SLC24A2: variants seen among roughly 807,000 people sequenced by gnomAD.
SLC24A2 encodes the protein sodium/potassium/calcium exchanger 2.
Under a neutral mutation model 62.0 loss-of-function variants are expected in SLC24A2, and 36 were observed. That is an observed-to-expected ratio of 0.58 (90% CI 0.44 to 0.77). SLC24A2 has a LOEUF of 0.77. Ranked by LOEUF, SLC24A2 falls within the 30% of genes least tolerant of loss-of-function variation. The pLI is 0.00. For synonymous variants in SLC24A2, 358 were observed against 294.0 expected, an observed-to-expected ratio of 1.22 and a Z score of -2.23; for missense variants, 846 against 817.9, an observed-to-expected ratio of 1.03 and a Z score of -0.42.
the SLC24A2 span, among the ~76,000 whole-genome samples, chr9:20,191,522 G>C: frequency 1.3e-5 from 2 of 151,926 alleles, no homozygotes; most frequent in Admixed American, 6.6e-5. Flanking sequence ...CATTCCGACA[G>C]TATCTGGAGA....
the SLC24A2 span, among the ~76,000 whole-genome samples, chr9:20,198,209 G>T: frequency 3.3e-5 from 5 of 152,172 alleles, no homozygotes; most frequent in African/African-American, 1.2e-4. Flanking sequence ...GAGTTCACTC[G>T]GGAAAGGGGG....
At chr9:20,029,308 G>A in the SLC24A2 span, among the ~76,000 whole-genome samples, 1 of 152,184 alleles carries the variant, frequency 6.6e-6, no homozygotes, top group Non-Finnish European at 1.5e-5. Context: ...CCCTTGGCAT[G>A]CTCATCATTA....
chr9:19,947,830 AAG>A, the SLC24A2 span, among the ~76,000 whole-genome samples: 1 of 150,866 alleles, frequency 6.6e-6, no homozygotes, highest in Non-Finnish European at 1.5e-5. Context: ...GAAAGAAAGA[AAG>A]AAAGAAAGAA....
At chr9:19,589,685 T>C (rs1490437815) in intron 5 of SLC24A2, among the ~76,000 whole-genome samples, 1 of 152,190 alleles carries the variant, frequency 6.6e-6, no homozygotes, top group African/African-American at 2.4e-5. Context: ...AGACTTTGGA[T>C]ATGAACTAGA....
the SLC24A2 span, among the ~76,000 whole-genome samples, chr9:20,099,960 C>G: frequency 6.6e-6 from 1 of 152,078 alleles, no homozygotes; most frequent in Non-Finnish European, 1.5e-5. Context: ...TTGTGTCATG[C>G]TGACTATTTT....
chr9:19,766,928 G>A (rs1201129454), intron 2 of SLC24A2, among the ~76,000 whole-genome samples: 1 of 152,170 alleles, frequency 6.6e-6, no homozygotes, highest in Non-Finnish European at 1.5e-5. Flanking sequence ...GCCCCAGGGA[G>A]ATGGGAGTTT....
chr9:20,233,273 G>A, the SLC24A2 span, among the ~76,000 whole-genome samples: 4 of 151,952 alleles, frequency 2.6e-5, no homozygotes, highest in Non-Finnish European at 5.9e-5. Context: ...TCAATTCCTG[G>A]GTATCCTTGT....
the SLC24A2 span, among the ~76,000 whole-genome samples, chr9:20,202,196 T>G: frequency 1.3e-5 from 2 of 151,944 alleles, no homozygotes; most frequent in South Asian, 2.1e-4. Flanking sequence ...ATGGTCCAAG[T>G]GATTATCAAA....
At chr9:19,583,825 G>C (rs1421274162) in intron 5 of SLC24A2, among the ~76,000 whole-genome samples, 2 of 152,126 alleles carry the variant, frequency 1.3e-5, no homozygotes, top group Non-Finnish European at 2.9e-5. Flanking sequence ...ATGTGCAAAG[G>C]AGCCCTTTCC....
At chr9:19,568,219 T>A (rs1462006680) in intron 7 of SLC24A2, among the ~76,000 whole-genome samples, 1 of 152,212 alleles carries the variant, frequency 6.6e-6, no homozygotes, top group Non-Finnish European at 1.5e-5. Flanking sequence ...GCGTTCACAT[T>A]TTCCTACTGA....
chr9:19,923,279 T>C, the SLC24A2 span, among the ~76,000 whole-genome samples: 1 of 152,234 alleles, frequency 6.6e-6, no homozygotes, highest in Non-Finnish European at 1.5e-5. Context: ...ATTTCTTTCA[T>C]ATTTTAATGT....
intron 2 of SLC24A2, among the ~76,000 whole-genome samples, chr9:19,691,491 G>A (rs2118466299): frequency 6.6e-6 from 1 of 152,248 alleles, no homozygotes; most frequent in Non-Finnish European, 1.5e-5. Context: ...TTTGCCCTCA[G>A]TCATCCATGC....
the SLC24A2 span, among the ~76,000 whole-genome samples, chr9:19,857,050 A>C: frequency 1.3e-5 from 2 of 152,236 alleles, no homozygotes; most frequent in African/African-American, 4.8e-5. Flanking sequence ...ATTATCTTAC[A>C]GTTGTGGAAG....
At chr9:19,919,874 G>A in the SLC24A2 span, among the ~76,000 whole-genome samples, 2 of 152,050 alleles carry the variant, frequency 1.3e-5, no homozygotes, top group African/African-American at 2.4e-5. Flanking sequence ...ACCTCCCACC[G>A]GGTCCCTGCC....
the SLC24A2 span, among the ~76,000 whole-genome samples, chr9:20,291,162 C>G: frequency 2.6e-5 from 4 of 152,234 alleles, no homozygotes; most frequent in East Asian, 7.7e-4. Context: ...TGAAAAATGC[C>G]TGCCCTTAAG....
chr9:19,735,430 A>G (rs1487568974), intron 2 of SLC24A2, among the ~76,000 whole-genome samples: 2 of 152,074 alleles, frequency 1.3e-5, no homozygotes, highest in South Asian at 2.1e-4. Context: ...TAGTTCAACC[A>G]TTGTGGAAGT....
the SLC24A2 span, among the ~76,000 whole-genome samples, chr9:20,043,583 T>C: frequency 1.3e-5 from 2 of 152,166 alleles, no homozygotes; most frequent in Non-Finnish European, 2.9e-5. Flanking sequence ...CCAGCCCTCA[T>C]AGATGACCTT....
chr9:20,083,644 G>T, the SLC24A2 span, among the ~76,000 whole-genome samples: 1 of 152,202 alleles, frequency 6.6e-6, no homozygotes, highest in Non-Finnish European at 1.5e-5. Flanking sequence ...ATTATTTTAT[G>T]ATAACACAGT....
the SLC24A2 span, among the ~76,000 whole-genome samples, chr9:20,196,678 C>T: frequency 6.6e-6 from 1 of 152,218 alleles, no homozygotes; most frequent in Non-Finnish European, 1.5e-5. Flanking sequence ...GATAATAATT[C>T]ATTACATTCT....
Sources: gnomAD v4.1 joint callset for allele counts (sites outside exome capture counted in the v4.1 genomes callset) on GRCh38, gnomAD v4.1.1 for gene constraint, MANE v1.5 for transcripts, NCBI Gene and HGNC (gene_info 2026-07-23, HGNC 2026-07-21) for gene names.